Variants in PVT1 observed in about 807,000 individuals in gnomAD.
The protein encoded by PVT1 is CXCR4/PVT1 fusion.
At chr8:127,814,668 T>C (rs1814639652) in intron 2 of PVT1, among the ~76,000 whole-genome samples, 1 of 152,244 alleles carries the variant, frequency 6.6e-6, no homozygotes, top group African/African-American at 2.4e-5. Flanking sequence ...TTTACTGTGG[T>C]AAAATTTACA....
At chr8:128,000,789 A>G (rs560269843) in intron 4 of PVT1, among the ~76,000 whole-genome samples, 109 of 152,174 alleles carry the variant, frequency 7.2e-4, no homozygotes, top group Non-Finnish European at 1.5e-3. Flanking sequence ...TTGTGCTACT[A>G]TCAGAGATGA....
chr8:127,806,618 A>C (rs1291485468), intron 2 of PVT1, among the ~76,000 whole-genome samples: 2 of 152,176 alleles, frequency 1.3e-5, no homozygotes, highest in East Asian at 3.8e-4. Context: ...ACTGTGTTAC[A>C]CTGTTGTGTA....
At chr8:127,960,657 G>A in intron 3 of PVT1, 1 of 527,098 alleles carries the variant, frequency 1.9e-6, no homozygotes, top group Non-Finnish European at 3.9e-6. Context: ...GGTTTGCTTT[G>A]AGGTACTTCC....
intron 2 of PVT1, among the ~76,000 whole-genome samples, chr8:127,868,597 C>A (rs1815310756): frequency 6.6e-6 from 1 of 150,960 alleles, no homozygotes; most frequent in South Asian, 2.1e-4. Context: ...GCCATGTTGG[C>A]CAGGCTGGTC....
At chr8:127,987,211 T>A (rs1816979760) in intron 3 of PVT1, among the ~76,000 whole-genome samples, 1 of 152,244 alleles carries the variant, frequency 6.6e-6, no homozygotes, top group Non-Finnish European at 1.5e-5. Context: ...TGGATTTCCC[T>A]GGTAGTTTAC....
At chr8:127,797,383 G>A (rs1814409812) in intron 2 of PVT1, among the ~76,000 whole-genome samples, 1 of 152,206 alleles carries the variant, frequency 6.6e-6, no homozygotes, top group South Asian at 2.1e-4. Context: ...TGAGGGATCA[G>A]GACCACACCC....
intron 4 of PVT1, chr8:128,049,224 A>T: frequency 1.9e-6 from 1 of 530,812 alleles, no homozygotes. Context: ...TCATTTCTTA[A>T]GACAGCACTT....
chr8:127,904,473 T>A (rs1013018358), intron 3 of PVT1, among the ~76,000 whole-genome samples: 5 of 149,130 alleles, frequency 3.4e-5, no homozygotes, highest in East Asian at 2.0e-4. Flanking sequence ...GAAGATGATG[T>A]TGATGATGAT....
intron 4 of PVT1, among the ~76,000 whole-genome samples, chr8:128,012,769 TC>T (rs1817328358): frequency 6.6e-6 from 1 of 152,196 alleles, no homozygotes; most frequent in Admixed American, 6.5e-5. Flanking sequence ...CTCTAGGAGT[TC>T]CTAGTCCTGG....
chr8:128,097,980 C>G (rs1412725801), intron 6 of PVT1, among the ~76,000 whole-genome samples: 1 of 152,142 alleles, frequency 6.6e-6, no homozygotes, highest in African/African-American at 2.4e-5. Flanking sequence ...TCTGCCCTAC[C>G]CGGCACCTGG....
intron 4 of PVT1, among the ~76,000 whole-genome samples, chr8:128,033,683 G>T (rs1813426077): frequency 6.6e-6 from 1 of 152,196 alleles, no homozygotes; most frequent in Non-Finnish European, 1.5e-5. Flanking sequence ...GAAATCTCCA[G>T]CCTTGAGAAC....
chr8:127,801,068 C>G (rs997118945), intron 2 of PVT1, among the ~76,000 whole-genome samples: 4 of 152,018 alleles, frequency 2.6e-5, no homozygotes, highest in African/African-American at 9.7e-5. Flanking sequence ...CAGAAGTGAG[C>G]CTGTGGGGGT....
At position 127,858,855 on chromosome 8, in the gene PVT1, C is replaced by T. The variant is rs115992450; in HGVS notation, n.373-31734C>T. 5.9e-3 allele frequency among the ~76,000 whole-genome samples: 681 copies of T among 115,692 alleles called. 11 individuals are homozygous for T. The highest frequency in any genetic ancestry group is 0.021 in the African/African-American group (626 of 30,046). 75.9% of individuals were successfully genotyped at this position (115,692 alleles called of 152,430 possible). A position where few individuals can be genotyped will look rare whatever the true frequency, so the allele number is the denominator to read the frequency against. On this transcript the variant is annotated intron_variant and non_coding_transcript_variant, in intron 2 of 10. Coordinates refer to ENST00000651587, the Ensembl canonical transcript of PVT1. The stretch of plus-strand genomic sequence containing the variant: ...TTTTGAGACAGGGTCTTGCTTAGGC[C>T]GGAGAGCAGTGGTGCTATCATAGCT...
chr8:127,970,289 G>GTGTT (rs1816748761), intron 3 of PVT1, among the ~76,000 whole-genome samples: 1 of 49,116 alleles, frequency 2.0e-5, no homozygotes, highest in African/African-American at 8.5e-5. Context: ...GCCATGATTT[G>GTGTT]TTTTTTTTTT....
chr8:127,880,984 T>C (rs923572508), intron 2 of PVT1, among the ~76,000 whole-genome samples: 2 of 152,242 alleles, frequency 1.3e-5, no homozygotes, highest in African/African-American at 2.4e-5. Flanking sequence ...AACCCGAATG[T>C]CAGTATTCCT....
At chr8:127,932,866 C>T (rs567456871) in intron 3 of PVT1, among the ~76,000 whole-genome samples, 1 of 152,198 alleles carries the variant, frequency 6.6e-6, no homozygotes, top group South Asian at 2.1e-4. Flanking sequence ...GAGTGTTGTG[C>T]CAGGTCATCC....
intron 4 of PVT1, among the ~76,000 whole-genome samples, chr8:128,002,714 G>C (rs1817194760): frequency 6.6e-6 from 1 of 152,066 alleles, no homozygotes; most frequent in Non-Finnish European, 1.5e-5. Flanking sequence ...CTCTAAACCA[G>C]CATGACCTCA....
At chr8:127,917,243 C>T (rs1427753465) in intron 3 of PVT1, among the ~76,000 whole-genome samples, 2 of 152,202 alleles carry the variant, frequency 1.3e-5, no homozygotes, top group African/African-American at 2.4e-5. Flanking sequence ...CTAGCCAGCT[C>T]TCTGGACCAG....
chr8:128,067,533 C>G (rs1031600849), intron 4 of PVT1, among the ~76,000 whole-genome samples: 1 of 152,214 alleles, frequency 6.6e-6, no homozygotes, highest in African/African-American at 2.4e-5. Context: ...AAAAGGAACA[C>G]ACAGGATGTC....
Sources: allele counts gnomAD v4.1 joint callset (sites outside exome capture counted in the v4.1 genomes callset), GRCh38; gene constraint gnomAD v4.1.1; transcripts MANE v1.5; gene names NCBI Gene and HGNC (gene_info 2026-07-23, HGNC 2026-07-21).